Variants in PCDHGA4 observed in about 807,000 individuals in gnomAD.
The protein encoded by PCDHGA4 is protocadherin gamma-A4.
In PCDHGA4, 38 loss-of-function variants were observed where a neutral mutation model predicts 54.6. That is an observed-to-expected ratio of 0.70 (90% CI 0.54 to 0.91). The LOEUF (loss-of-function observed/expected upper bound fraction) is 0.91, where lower values mean the gene tolerates loss of function less well. Among genes scored for constraint, PCDHGA4 ranks in the 40% least tolerant of loss-of-function variants. The pLI is 0.00. For synonymous variants in PCDHGA4, 511 were observed against 512.9 expected, an observed-to-expected ratio of 1.00 and a Z score of 0.05; for missense variants, 1,298 against 1,220.9, an observed-to-expected ratio of 1.06 and a Z score of -0.94.
intron 1 of PCDHGA4, chr5:141,370,454 C>A: frequency 6.2e-7 from 1 of 1,611,484 alleles, no homozygotes; most frequent in Non-Finnish European, 8.5e-7. Context: ...TATTTCTCTT[C>A]CTGCTCTCTT....
At position 141,427,172 on chromosome 5, in the gene PCDHGA4, TG is replaced by T. The variant is rs757372749; in HGVS notation, c.2515-67631del. ...ATATGTTTGTGCTAGACCATCAAAA[TG>T]GGGAAATTAAATCCAAAGACTTAAT... On this transcript the variant is annotated intron_variant, in intron 1 of 3. Coordinates refer to ENST00000571252, the MANE Select transcript of PCDHGA4 (RefSeq NM_018917.4). The T allele has an allele frequency of 3.9e-5, 18 of 456,596 alleles. 1 individual carries two copies. The highest frequency in any genetic ancestry group is 2.6e-4 in the South Asian group (17 of 64,568). 28.3% of individuals were successfully genotyped at this position (456,596 alleles called of 1,614,324 possible). A position where few individuals can be genotyped will look rare whatever the true frequency, so the allele number is the denominator to read the frequency against.
chr5:141,494,100 G>A (rs559145191), intron 1 of PCDHGA4, among the ~76,000 whole-genome samples: 7 of 152,270 alleles, frequency 4.6e-5, no homozygotes, highest in South Asian at 2.1e-4. Flanking sequence ...ATTTTTCTCC[G>A]TCTCAGACAG....
At chr5:141,426,834 A>G (rs1561824131) in intron 1 of PCDHGA4, 1 of 456,724 alleles carries the variant, frequency 2.2e-6, no homozygotes, top group South Asian at 1.5e-5. Flanking sequence ...GATGGACAAG[A>G]CTAAAGGCAA....
intron 1 of PCDHGA4, chr5:141,382,944 G>T (rs375823415): frequency 7.9e-5 from 126 of 1,596,768 alleles, no homozygotes; most frequent in Non-Finnish European, 1.0e-4. Flanking sequence ...GATTCTTCCT[G>T]CTCTCCATCC....
At chr5:141,366,053 G>T in intron 1 of PCDHGA4, 1 of 1,614,252 alleles carries the variant, frequency 6.2e-7, no homozygotes, top group Non-Finnish European at 8.5e-7. Context: ...TTCCACGGGC[G>T]TGGAGCTGGC....
chr5:141,433,062 T>G (rs1371087184), intron 1 of PCDHGA4: 1 of 1,614,074 alleles, frequency 6.2e-7, no homozygotes, highest in Non-Finnish European at 8.5e-7. Context: ...AAGAGTCACC[T>G]GATCTTCCCC....
In PCDHGA4 at chr5:141,431,494, C is replaced by A; in HGVS notation, c.2515-63313C>A. 6.2e-7 allele frequency: 1 copy of A among 1,613,956 alleles called. No homozygotes were observed. Among genetic ancestry groups the A allele is most frequent in the Middle Eastern group, 1.6e-4 (1 of 6,062 alleles). On this transcript the variant is annotated intron_variant, in intron 1 of 3. Coordinates refer to ENST00000571252, the MANE Select transcript of PCDHGA4 (RefSeq NM_018917.4). This position sits in a 1 kb window ranked among gnomAD's most constrained non-coding sequence, Gnocchi z 4.8. Reference sequence around the variant, plus strand: ...ACAACGCACCAGCGTTTGCTCAGCCCGAGTACCGCGCGAGCGTTCCGGAGA... The same window carrying A: ...ACAACGCACCAGCGTTTGCTCAGCCAGAGTACCGCGCGAGCGTTCCGGAGA...
intron 1 of PCDHGA4, chr5:141,398,793 A>G (rs376843278): frequency 2.5e-5 from 41 of 1,613,830 alleles, no homozygotes; most frequent in South Asian, 1.1e-5. Flanking sequence ...ATCCACCCCT[A>G]AGCGGCACCA....
chr5:141,372,611 T>C, intron 1 of PCDHGA4: 5 of 1,613,998 alleles, frequency 3.1e-6, no homozygotes, highest in Non-Finnish European at 4.2e-6. Flanking sequence ...TACCTGGAGT[T>C]CTCCCCACCT....
rs201538255 is a variant in PCDHGA4 at position 141,476,796 on chromosome 5, G to A, written c.2515-18011G>A. 10 of 1,613,584 alleles carry A rather than the reference G, an allele frequency of 6.2e-6. No individual in the cohort carries two copies. In the East Asian group the frequency reaches 2.2e-4, roughly 36 times the overall value. On this transcript the variant is annotated intron_variant, in intron 1 of 3. Transcript: ENST00000571252. This position sits in a 1 kb window ranked among gnomAD's most constrained non-coding sequence, Gnocchi z 7.6. Reference sequence around the variant, plus strand: ...GGAGGGACCCCAGCTCTCTCCGCCAGCCTGCCTATTCACATCAAGGTGCTG... The same window carrying A: ...GGAGGGACCCCAGCTCTCTCCGCCAACCTGCCTATTCACATCAAGGTGCTG...
chr5:141,492,303 G>A (rs969991314), intron 1 of PCDHGA4, among the ~76,000 whole-genome samples: 1 of 152,202 alleles, frequency 6.6e-6, no homozygotes, highest in African/African-American at 2.4e-5. Context: ...GCGGACGCAC[G>A]CACGCACTCC....
At chr5:141,376,234 G>A (rs1426358733) in intron 1 of PCDHGA4, 91 of 1,614,096 alleles carry the variant, frequency 5.6e-5, no homozygotes, top group Non-Finnish European at 7.5e-5. Flanking sequence ...TCAGACTGCA[G>A]CGCTGGCACA....
chr5:141,478,774 G>T (rs1019315910), intron 1 of PCDHGA4: 1 of 1,496,268 alleles, frequency 6.7e-7, no homozygotes, highest in African/African-American at 1.4e-5. Flanking sequence ...ACTCATCTGT[G>T]GACCTAATTC....
intron 1 of PCDHGA4, chr5:141,420,078 C>T (rs764695314): frequency 6.2e-7 from 1 of 1,614,008 alleles, no homozygotes; most frequent in Non-Finnish European, 8.5e-7. Context: ...CCTGTGGGTC[C>T]CCCCAACTAC....
At chr5:141,393,479 C>A (rs375589587) in intron 1 of PCDHGA4, 1 of 1,613,940 alleles carries the variant, frequency 6.2e-7, no homozygotes, top group Non-Finnish European at 8.5e-7. Flanking sequence ...AGCCGCCTCG[C>A]TCTAGCACAG....
chr5:141,451,976 A>T (rs2098729884), intron 1 of PCDHGA4, among the ~76,000 whole-genome samples: 1 of 152,164 alleles, frequency 6.6e-6, no homozygotes, highest in Non-Finnish European at 1.5e-5. Flanking sequence ...TTTTTGCTGT[A>T]GTTTGTTCAT....
At chr5:141,446,822 A>G (rs976227044) in intron 1 of PCDHGA4, among the ~76,000 whole-genome samples, 1 of 152,206 alleles carries the variant, frequency 6.6e-6, no homozygotes, top group African/African-American at 2.4e-5. Flanking sequence ...TCAGATGGGT[A>G]GATCCTTATA....
At chr5:141,455,789 G>A (rs966897617) in intron 1 of PCDHGA4, among the ~76,000 whole-genome samples, 56 of 152,058 alleles carry the variant, frequency 3.7e-4, no homozygotes, top group African/African-American at 1.3e-3. Context: ...AACTTTTCCG[G>A]AGATGCTTTA....
In PCDHGA4 at chr5:141,505,435, G is replaced by A. The variant is rs1274195652; in HGVS notation, c.2616G>A (p.Gln872=). The change falls in exon 3 of 4, where the codon CAG becomes CAA. Residue 872 remains glutamine, a synonymous_variant. Transcript: ENST00000571252. ...GDDTGTWPNN[Q]FDTEMLQAMI... is the part of the protein sequence containing the mutation. ...ACACCGGCACCTGGCCCAACAACCA[G>A]TTTGACACAGAGATGCTGCAAGCCA... 1 of 1,614,096 alleles carries A rather than the reference G, an allele frequency of 6.2e-7. No homozygotes were observed. Among genetic ancestry groups the A allele is most frequent in the African/African-American group, 1.3e-5 (1 of 74,936 alleles).
Sources: allele counts gnomAD v4.1 joint callset (sites outside exome capture counted in the v4.1 genomes callset), GRCh38; gene constraint gnomAD v4.1.1; non-coding constraint Gnocchi (gnomAD v3.1); transcripts MANE v1.5; gene names NCBI Gene and HGNC (gene_info 2026-07-23, HGNC 2026-07-21).